The following PCDHGB3 variants were observed in gnomAD, a reference collection of about 807,000 sequenced individuals.
PCDHGB3 encodes the protein protocadherin gamma-B3.
Under a neutral mutation model 59.2 loss-of-function variants are expected in PCDHGB3, and 40 were observed. That is an observed-to-expected ratio of 0.68 (90% CI 0.52 to 0.88). The LOEUF is 0.88. PCDHGB3 is among the 40% of genes least tolerant of loss of function. The pLI is 0.00. For synonymous variants in PCDHGB3, 581 were observed against 503.6 expected (o/e 1.15, Z -2.06); for missense variants, 1,309 against 1,187.9 (o/e 1.10, Z -1.50).
intron 2 of PCDHGB3, among the ~76,000 whole-genome samples, chr5:141,499,868 A>G (rs2099794957): frequency 6.6e-6 from 1 of 152,024 alleles, no homozygotes; most frequent in Non-Finnish European, 1.5e-5. Context: ...TTGTATTTTC[A>G]GTACAAACAG....
rs999463482 is a variant in PCDHGB3, at chr5:141,506,400, T to C, written c.2563+919T>C. ...GGAGGTGGCTGTGGTGAGCAGAAAATCGCACCACTGCACTCCAGCCTGGGC... is the reference window on the plus strand; with the variant it reads ...GGAGGTGGCTGTGGTGAGCAGAAAACCGCACCACTGCACTCCAGCCTGGGC... On this transcript the variant is annotated intron_variant, in intron 3 of 3. Coordinates refer to ENST00000576222, the MANE Select transcript of PCDHGB3 (RefSeq NM_018924.5). 1.2e-4 allele frequency among the ~76,000 whole-genome samples: 16 copies of C among 135,754 alleles called. No homozygotes were observed. In the Admixed American group the frequency reaches 1.3e-3, roughly 11 times the overall value. The allele number at this position is 135,754 out of a possible 152,430, so 89.1% of individuals were successfully genotyped here.
chr5:141,494,894 C>A, intron 2 of PCDHGB3, 29 bp downstream of exon 2: 1 of 1,614,116 alleles, frequency 6.2e-7, no homozygotes, highest in South Asian at 1.1e-5. Flanking sequence ...AGCCCACCCT[C>A]TTCTCTGCGG....
intron 1 of PCDHGB3, among the ~76,000 whole-genome samples, chr5:141,471,883 C>T (rs951573411): frequency 6.6e-6 from 1 of 152,084 alleles, no homozygotes; most frequent in Non-Finnish European, 1.5e-5. Flanking sequence ...GAGGCTGAAG[C>T]TAGGAAGATT....
intron 1 of PCDHGB3, chr5:141,374,173 G>A: frequency 6.2e-7 from 1 of 1,613,470 alleles, no homozygotes; most frequent in Non-Finnish European, 8.5e-7. Flanking sequence ...CGGCAGCGCA[G>A]ATCCGCTACT....
chr5:141,413,049 A>C (rs2095599926), intron 1 of PCDHGB3: 5 of 904,176 alleles, frequency 5.5e-6, no homozygotes, highest in Non-Finnish European at 8.1e-6. Context: ...GCTGCAGGGA[A>C]GCTCACTCCA....
At chr5:141,404,661 A>G (rs930319561) in intron 1 of PCDHGB3, 1 of 1,614,098 alleles carries the variant, frequency 6.2e-7, no homozygotes. Context: ...CTCCCCACTG[A>G]TGGTTCTACT....
Position 141,431,560 on chromosome 5 carries a change from C to G in PCDHGB3, c.2415+58751C>G, listed in dbSNP as rs751276470. The G allele has an allele frequency of 6.2e-7, 1 of 1,613,986 alleles. No individual in the cohort carries two copies. The highest frequency in any genetic ancestry group is 1.7e-5 in the Admixed American group (1 of 60,016). On this transcript the variant is annotated intron_variant, in intron 1 of 3. Transcript: ENST00000576222. This position sits in a 1 kb window ranked among gnomAD's most constrained non-coding sequence, Gnocchi z 4.8. Reference sequence around the variant, plus strand: ...CGCAGCTGCTTGTAGTCAACGCTACCGACCCTGACGAAGGAGTCAATGCGG... The same window carrying G: ...CGCAGCTGCTTGTAGTCAACGCTACGGACCCTGACGAAGGAGTCAATGCGG...
intron 1 of PCDHGB3, among the ~76,000 whole-genome samples, chr5:141,434,340 G>A (rs2097687601): frequency 6.6e-6 from 1 of 152,150 alleles, no homozygotes; most frequent in Non-Finnish European, 1.5e-5. Context: ...TTTGTGTCGG[G>A]AACAGGCCCC....
chr5:141,499,582 T>C (rs952280239), intron 2 of PCDHGB3, among the ~76,000 whole-genome samples: 7 of 152,164 alleles, frequency 4.6e-5, no homozygotes, highest in African/African-American at 7.2e-5. Flanking sequence ...TAATGCCTTA[T>C]CTTGTTTCAC....
chr5:141,398,505 T>A (rs1561664724), intron 1 of PCDHGB3: 7 of 1,598,768 alleles, frequency 4.4e-6, no homozygotes, highest in Non-Finnish European at 6.0e-6. Context: ...TCGAGGACAT[T>A]AATGACCACA....
intron 1 of PCDHGB3, chr5:141,375,635 C>A (rs776372663): frequency 2.4e-5 from 38 of 1,614,094 alleles, no homozygotes; most frequent in Non-Finnish European, 3.1e-5. Flanking sequence ...GTACGCCCTG[C>A]GCTCCTTCGA....
chr5:141,421,222 C>G, intron 1 of PCDHGB3: 2 of 1,576,946 alleles, frequency 1.3e-6, no homozygotes, highest in Non-Finnish European at 1.7e-6. Flanking sequence ...CGGCTTAGAG[C>G]CTGCCATGGC....
intron 1 of PCDHGB3, among the ~76,000 whole-genome samples, chr5:141,462,639 C>T (rs2099043867): frequency 7.2e-6 from 1 of 138,292 alleles, no homozygotes. Flanking sequence ...TTGACTCTTT[C>T]ATTTCCATCC....
chr5:141,400,369 T>C (rs2150855153), intron 1 of PCDHGB3: 2 of 1,614,078 alleles, frequency 1.2e-6, no homozygotes, highest in Admixed American at 3.3e-5. Context: ...GCCTTATTCC[T>C]ACAACCTATG....
intron 1 of PCDHGB3, chr5:141,423,928 G>C: frequency 8.1e-7 from 1 of 1,236,850 alleles, no homozygotes; most frequent in Non-Finnish European, 1.0e-6. Flanking sequence ...ATGCTGGTTT[G>C]GTTTGAAGTA....
Position 141,431,614 on chromosome 5 carries a change from C to G in PCDHGB3, c.2415+58805C>G. ...TGAGGTATTCCTTCCGGTATGTGGACGACAAGGCGGCCCAAGTTTTCAAAC... is the reference window on the plus strand; with the variant it reads ...TGAGGTATTCCTTCCGGTATGTGGAGGACAAGGCGGCCCAAGTTTTCAAAC... On this transcript the variant is annotated intron_variant, in intron 1 of 3. Coordinates refer to ENST00000576222, the MANE Select transcript of PCDHGB3 (RefSeq NM_018924.5). This position sits in a 1 kb window ranked among gnomAD's most constrained non-coding sequence, Gnocchi z 4.8. 6.2e-7 allele frequency: 1 copy of G among 1,614,206 alleles called. No homozygotes were observed. The highest frequency in any genetic ancestry group is 1.1e-5 in the South Asian group (1 of 91,092).
At chr5:141,408,763 T>C in intron 1 of PCDHGB3, 1 of 1,611,150 alleles carries the variant, frequency 6.2e-7, no homozygotes. Context: ...TTAATTCCGA[T>C]GGTGGCAAAT....
chr5:141,461,303 G>T (rs1390421489), intron 1 of PCDHGB3, among the ~76,000 whole-genome samples: 2 of 152,074 alleles, frequency 1.3e-5, no homozygotes, highest in Non-Finnish European at 2.9e-5. Flanking sequence ...AACATCTATT[G>T]TTTTTTGACT....
intron 2 of PCDHGB3, among the ~76,000 whole-genome samples, chr5:141,500,027 G>C (rs1458308566): frequency 6.6e-6 from 1 of 151,808 alleles, no homozygotes; most frequent in Non-Finnish European, 1.5e-5. Flanking sequence ...ATATTTGAGT[G>C]AGTGTCTCTT....
Sources: gnomAD v4.1 joint callset for allele counts (sites outside exome capture counted in the v4.1 genomes callset) on GRCh38, gnomAD v4.1.1 for gene constraint, Gnocchi (gnomAD v3.1) non-coding constraint, MANE v1.5 for transcripts, NCBI Gene and HGNC (gene_info 2026-07-23, HGNC 2026-07-21) for gene names.